Variants in MXI1 observed in about 807,000 individuals in gnomAD.
The protein encoded by MXI1 is MAX interactor 1, dimerization protein.
A neutral mutation model predicts 36.9 loss-of-function variants in MXI1; 18 were observed. The observed-to-expected ratio is 0.49, with a 90% CI of 0.34 to 0.72. The LOEUF is 0.72. Among genes scored for constraint, MXI1 ranks in the 30% least tolerant of loss-of-function variants. The pLI is 0.01. For missense variants in MXI1, 304 were observed against 379.1 expected, an observed-to-expected ratio of 0.80 and a Z score of 1.64; for synonymous variants, 160 against 146.7, an observed-to-expected ratio of 1.09 and a Z score of -0.65.
chr10:110,227,512 A>G (rs1488970131), intron 1 of MXI1: 2 of 982,444 alleles, frequency 2.0e-6, no homozygotes, highest in Admixed American at 6.6e-5. Flanking sequence ...GTGACCGTGG[A>G]GAAGCTTGGA....
chr10:110,208,122 C>CT (rs750926956), intron 1 of MXI1, 40 bp downstream of exon 1: 1 of 1,555,672 alleles, frequency 6.4e-7, no homozygotes, highest in Admixed American at 1.9e-5. Context: ...GCGCCCGGTT[C>CT]TTTCTTTCTC....
chr10:110,228,987 A>C (rs1393080020), intron 2 of MXI1, among the ~76,000 whole-genome samples: 5 of 152,224 alleles, frequency 3.3e-5, no homozygotes, highest in African/African-American at 9.6e-5. Flanking sequence ...TGGGAGGCTG[A>C]GGTGGGAGGA....
chr10:110,276,764 G>A (rs906138985), intron 3 of MXI1, among the ~76,000 whole-genome samples: 8 of 151,844 alleles, frequency 5.3e-5, no homozygotes, highest in Non-Finnish European at 8.8e-5. Flanking sequence ...ATCACAAAAC[G>A]GAAAATAGAC....
chr10:110,241,199 G>A (rs1464538001), intron 2 of MXI1, among the ~76,000 whole-genome samples: 1 of 151,932 alleles, frequency 6.6e-6, no homozygotes, highest in African/African-American at 2.4e-5. Flanking sequence ...AAGATTACCT[G>A]TGATTCAATG....
intron 5 of MXI1, 29 bp from the exon 6 acceptor site, chr10:110,284,795 G>T: frequency 7.0e-7 from 1 of 1,423,526 alleles, no homozygotes; most frequent in South Asian, 1.3e-5. Flanking sequence ...GATAATTAAT[G>T]TTCTTCTTTT....
intron 1 of MXI1, among the ~76,000 whole-genome samples, chr10:110,211,630 C>T (rs535634287): frequency 2.0e-5 from 3 of 152,346 alleles, no homozygotes; most frequent in African/African-American, 7.2e-5. Context: ...GTTGAGGTTT[C>T]CGTACTGGTA....
chr10:110,256,602 C>CAAAAAAAAAA, intron 3 of MXI1, among the ~76,000 whole-genome samples: 1 of 48,870 alleles, frequency 2.0e-5, no homozygotes, highest in East Asian at 4.2e-4. Flanking sequence ...GACTCTGTCT[C>CAAAAAAAAAA]AAAAAAAAAA....
At position 110,270,516 on chromosome 10, in the gene MXI1, G is replaced by T. The variant is rs185122338; in HGVS notation, c.438-8664G>T. The stretch of plus-strand genomic sequence containing the variant: ...GAATGCAGGATAATTAAAAAAAATA[G>T]TTGTTTATATGTTCTGCACTATAGT... On this transcript the variant is annotated intron_variant, in intron 3 of 5. Coordinates refer to ENST00000332674, the MANE Select transcript of MXI1 (RefSeq NM_130439.3). Among the ~76,000 whole-genome samples, 733 of 151,894 alleles carry T rather than the reference G, an allele frequency of 4.8e-3. 4 individuals carry two copies. Among genetic ancestry groups the T allele is most frequent in the African/African-American group, 0.017 (697 of 41,398 alleles).
In MXI1 at chr10:110,267,560, C is replaced by A. The variant is rs535432579; in HGVS notation, c.438-11620C>A. Among the ~76,000 whole-genome samples the A allele has an allele frequency of 5.7e-4, 86 of 152,194 alleles. 4 individuals carry two copies. In the South Asian group the frequency reaches 0.017, roughly 31 times the overall value. On this transcript the variant is annotated intron_variant, in intron 3 of 5. Coordinates refer to ENST00000332674, the MANE Select transcript of MXI1 (RefSeq NM_130439.3). ...ATTCCTTTACAGAACAGCTTGTATT[C>A]GACAAAGCTGTGAAAAAAATCACTC...
chr10:110,244,910 A>G (rs1855809019), intron 3 of MXI1, 53 bp downstream of exon 3: 1 of 1,571,850 alleles, frequency 6.4e-7, no homozygotes, highest in African/African-American at 1.4e-5. Flanking sequence ...CAAACTCACC[A>G]TTTTACCTGT....
intron 3 of MXI1, among the ~76,000 whole-genome samples, chr10:110,264,015 A>G (rs907444092): frequency 6.6e-6 from 1 of 152,074 alleles, no homozygotes; most frequent in African/African-American, 2.4e-5. Flanking sequence ...AGCTACAGAG[A>G]TTGTTATTGA....
At chr10:110,263,788 C>T (rs1223123843) in intron 3 of MXI1, among the ~76,000 whole-genome samples, 1 of 152,014 alleles carries the variant, frequency 6.6e-6, no homozygotes, top group African/African-American at 2.4e-5. Flanking sequence ...TTTGTTTCTT[C>T]TCACAGCTAT....
rs757719985 is a variant in MXI1, at chr10:110,208,005, TCAA to T, written c.200_202del (p.Asn67del). 1.2e-6 allele frequency: 2 copies of T among 1,603,176 alleles called. No homozygotes were observed. The highest frequency in any genetic ancestry group is 1.4e-5 in the African/African-American group (1 of 74,058). ...AGCGAGAACTCGATGGAGAAGCACA[TCAA>T]CACTTTTCTGCAGAACGTGCAGATT... On this transcript the variant is annotated inframe_deletion, in exon 1 of 6. Transcript: ENST00000332674.
rs1226780368 is a variant in MXI1 at position 110,285,483 on chromosome 10, G to A, written c.*496G>A. 1.3e-5 allele frequency: 2 copies of A among 152,046 alleles called. No homozygotes were observed. Among genetic ancestry groups the A allele is most frequent in the Non-Finnish European group, 2.9e-5 (2 of 68,006 alleles). The allele number at this position is 152,046 out of a possible 1,614,324, so 9.4% of individuals were successfully genotyped here. On this transcript the variant is annotated 3_prime_UTR_variant, in exon 6 of 6. Coordinates refer to ENST00000332674, the MANE Select transcript of MXI1 (RefSeq NM_130439.3). ...TAATGAGCTATTAAAACTCAGCCTG[G>A]GACAGTTTATCATGAAGCCTGTGGA...
chr10:110,230,297 T>C (rs554680172), intron 2 of MXI1, among the ~76,000 whole-genome samples: 3 of 152,240 alleles, frequency 2.0e-5, no homozygotes, highest in Non-Finnish European at 2.9e-5. Flanking sequence ...TCTTTCATGC[T>C]AGTGTCTCTG....
intron 3 of MXI1, among the ~76,000 whole-genome samples, chr10:110,274,872 ATTTTTTTT>A (rs66570053): frequency 9.1e-6 from 1 of 110,002 alleles, no homozygotes; most frequent in Non-Finnish European, 1.8e-5. Context: ...GTGAATAAGG[ATTTTTTTT>A]TTTTTTTTTT....
intron 1 of MXI1, among the ~76,000 whole-genome samples, chr10:110,218,583 G>A (rs535694062): frequency 6.6e-5 from 10 of 152,258 alleles, no homozygotes; most frequent in Admixed American, 5.2e-4. Context: ...AGAACCTCCA[G>A]GGCCCTTTGG....
intron 2 of MXI1, among the ~76,000 whole-genome samples, chr10:110,239,985 T>G (rs1199362398): frequency 6.6e-6 from 1 of 152,044 alleles, no homozygotes; most frequent in East Asian, 1.9e-4. Flanking sequence ...GTTTTGCCAG[T>G]TTTGAACTTT....
chr10:110,250,148 T>A (rs925442080), intron 3 of MXI1, among the ~76,000 whole-genome samples: 1 of 152,124 alleles, frequency 6.6e-6, no homozygotes, highest in Non-Finnish European at 1.5e-5. Flanking sequence ...AAATTCAGAT[T>A]TTTTTCTTGG....
Sources: gnomAD v4.1 joint callset for allele counts (sites outside exome capture counted in the v4.1 genomes callset) on GRCh38, gnomAD v4.1.1 for gene constraint, MANE v1.5 for transcripts, NCBI Gene and HGNC (gene_info 2026-07-23, HGNC 2026-07-21) for gene names.